The following LDLRAD3 variants were observed in gnomAD, a reference collection of about 807,000 sequenced individuals.
LDLRAD3 encodes the protein low-density lipoprotein receptor class A domain-containing protein 3.
In LDLRAD3, 20 loss-of-function variants were observed where a neutral mutation model predicts 29.4. That is an observed-to-expected ratio of 0.68 (90% CI 0.48 to 0.99). The LOEUF is 0.99. Among genes scored for constraint, LDLRAD3 ranks in the 50% least tolerant of loss-of-function variants. The pLI is 0.00. For synonymous variants in LDLRAD3, 157 were observed against 192.7 expected, an observed-to-expected ratio of 0.81 and a Z score of 1.53; for missense variants, 420 against 454.3, an observed-to-expected ratio of 0.92 and a Z score of 0.69.
At chr11:36,110,771 A>G (rs1024552971) in intron 4 of LDLRAD3, among the ~76,000 whole-genome samples, 4 of 152,232 alleles carry the variant, frequency 2.6e-5, no homozygotes, top group Non-Finnish European at 5.9e-5. Context: ...TAGCCTGCAG[A>G]TAATTACCCT....
At chr11:36,188,090 C>T (rs1431129258) in intron 4 of LDLRAD3, among the ~76,000 whole-genome samples, 1 of 152,062 alleles carries the variant, frequency 6.6e-6, no homozygotes, top group Non-Finnish European at 1.5e-5. Flanking sequence ...TATTTTCTTA[C>T]TATTGACCCA....
chr11:36,042,616 C>T (rs923053118), intron 2 of LDLRAD3, among the ~76,000 whole-genome samples: 3 of 152,174 alleles, frequency 2.0e-5, no homozygotes, highest in African/African-American at 4.8e-5. Context: ...TGTTGAAGTC[C>T]TAACCCCCAG....
intron 4 of LDLRAD3, among the ~76,000 whole-genome samples, chr11:36,198,806 T>C (rs1039332726): frequency 6.6e-6 from 1 of 152,244 alleles, no homozygotes; most frequent in African/African-American, 2.4e-5. Context: ...TTTAGGTTTG[T>C]GATCAACATC....
At chr11:35,970,227 A>T (rs1339526888) in intron 1 of LDLRAD3, among the ~76,000 whole-genome samples, 1 of 152,206 alleles carries the variant, frequency 6.6e-6, no homozygotes, top group African/African-American at 2.4e-5. Flanking sequence ...ATGCAAACCA[A>T]TTTGCAAATG....
chr11:35,966,245 T>A (rs999384353), intron 1 of LDLRAD3, among the ~76,000 whole-genome samples: 13 of 152,058 alleles, frequency 8.5e-5, no homozygotes, highest in African/African-American at 2.4e-4. Flanking sequence ...GCCAATATGG[T>A]GAAACCCCAT....
chr11:36,035,831 T>G (rs1355100740), intron 1 of LDLRAD3, among the ~76,000 whole-genome samples: 1 of 152,194 alleles, frequency 6.6e-6, no homozygotes, highest in African/African-American at 2.4e-5. Flanking sequence ...CAGTCTTTGA[T>G]GGAGAAAGAA....
chr11:35,959,934 G>A (rs976790351), intron 1 of LDLRAD3, among the ~76,000 whole-genome samples: 1 of 151,874 alleles, frequency 6.6e-6, no homozygotes, highest in African/African-American at 2.4e-5. Flanking sequence ...TCCATCCCCC[G>A]CCAAAAAAAG....
At chr11:36,087,147 A>T (rs1392377926) in intron 3 of LDLRAD3, among the ~76,000 whole-genome samples, 1 of 152,236 alleles carries the variant, frequency 6.6e-6, no homozygotes, top group Non-Finnish European at 1.5e-5. Context: ...AAGAAAAAAA[A>T]ACAGAGGAAA....
In LDLRAD3 at chr11:36,165,466, G is replaced by A. The variant is rs117042505; in HGVS notation, c.455-61619G>A. Among the ~76,000 whole-genome samples the A allele has an allele frequency of 1.1e-3, 160 of 152,006 alleles. 1 individual carries two copies. In the East Asian group the frequency reaches 0.029, roughly 27 times the overall value. On this transcript the variant is annotated intron_variant, in intron 4 of 5. Coordinates refer to ENST00000315571, the MANE Select transcript of LDLRAD3 (RefSeq NM_174902.4). Reference sequence around the variant, plus strand: ...ATATTACTAACTTGTTATCCAAATGGATATCTGTTTACACCCCCACAAGCA... The same window carrying A: ...ATATTACTAACTTGTTATCCAAATGAATATCTGTTTACACCCCCACAAGCA...
At chr11:36,021,358 A>G (rs746914558) in intron 1 of LDLRAD3, among the ~76,000 whole-genome samples, 3 of 152,158 alleles carry the variant, frequency 2.0e-5, no homozygotes, top group Admixed American at 6.5e-5. Context: ...TTCCGAGATG[A>G]CTGAGAAGGA....
At chr11:36,178,618 A>G (rs1854713102) in intron 4 of LDLRAD3, among the ~76,000 whole-genome samples, 1 of 152,160 alleles carries the variant, frequency 6.6e-6, no homozygotes, top group Non-Finnish European at 1.5e-5. Context: ...TGGATTGTTG[A>G]TCATTACCCA....
At chr11:36,192,796 A>G (rs768430050) in intron 4 of LDLRAD3, among the ~76,000 whole-genome samples, 4 of 152,128 alleles carry the variant, frequency 2.6e-5, no homozygotes, top group Non-Finnish European at 4.4e-5. Flanking sequence ...CTGAGATGAG[A>G]TCTTGCCACT....
chr11:36,074,623 A>G (rs1458907348), intron 2 of LDLRAD3, among the ~76,000 whole-genome samples: 4 of 152,102 alleles, frequency 2.6e-5, no homozygotes, highest in Non-Finnish European at 5.9e-5. Context: ...ACGTAATGGG[A>G]AGGCAGTGAC....
In LDLRAD3 at chr11:36,081,648, T is replaced by C. The variant is rs201940218; in HGVS notation, c.194-5T>C. ...ATGTCTTGCTGTTTCTTTTTCTTCCTGCAGCCAAGGCTAAGTCGAAATGTG... is the reference window on the plus strand; with the variant it reads ...ATGTCTTGCTGTTTCTTTTTCTTCCCGCAGCCAAGGCTAAGTCGAAATGTG... On this transcript the variant is annotated splice_region_variant and splice_polypyrimidine_tract_variant and intron_variant, in intron 2 of 5. Transcript: ENST00000315571. 1.7e-3 allele frequency: 2,801 copies of C among 1,614,254 alleles called. 8 individuals are homozygous for C. The highest frequency in any genetic ancestry group is 2.1e-3 in the Non-Finnish European group (2,514 of 1,180,036).
chr11:35,947,274 C>T (rs951949935), intron 1 of LDLRAD3, among the ~76,000 whole-genome samples: 2 of 152,106 alleles, frequency 1.3e-5, no homozygotes, highest in Non-Finnish European at 2.9e-5. Context: ...TTTGGGAGGC[C>T]AAGATGTGTG....
At chr11:36,046,389 T>A (rs966985371) in intron 2 of LDLRAD3, among the ~76,000 whole-genome samples, 5 of 152,200 alleles carry the variant, frequency 3.3e-5, no homozygotes, top group African/African-American at 1.2e-4. Context: ...CAGGTATGTC[T>A]TTATTAGCAG....
chr11:36,227,328 A>G lies in LDLRAD3; in HGVS notation c.698A>G (p.Tyr233Cys), dbSNP rs1855514294. 3 of 1,614,188 alleles carry G rather than the reference A, an allele frequency of 1.9e-6. No homozygotes were observed. The highest frequency in any genetic ancestry group is 2.2e-5 in the East Asian group (1 of 44,874). The change falls in exon 5 of 6, where the codon TAC becomes TGC. Residue 233 changes from tyrosine to cysteine, a missense_variant. By Grantham distance (194) the Tyr-to-Cys change is radical (BLOSUM62 -2). Coordinates refer to ENST00000315571, the MANE Select transcript of LDLRAD3 (RefSeq NM_174902.4). ...LDHPHHCNVTYNVNNGIQYVA... is the reference protein window; with the variant it reads ...LDHPHHCNVTCNVNNGIQYVA... The stretch of plus-strand genomic sequence containing the variant: ...CACCCCCACCACTGCAACGTCACCT[A>G]CAACGTCAATAATGGCATCCAGTAT...
intron 3 of LDLRAD3, 112 bp downstream of exon 3, chr11:36,081,890 C>G: frequency 7.7e-7 from 1 of 1,290,356 alleles, no homozygotes; most frequent in East Asian, 2.3e-5. Flanking sequence ...CTCAGGCATT[C>G]TCTTCTGTTA....
chr11:36,210,827 G>C (rs116064459), intron 4 of LDLRAD3, among the ~76,000 whole-genome samples: 206 of 152,344 alleles, frequency 1.4e-3, no homozygotes, highest in African/African-American at 4.6e-3. Context: ...GCCATTTCCT[G>C]TAGGAACATT....
Sources: gnomAD v4.1 joint callset for allele counts (sites outside exome capture counted in the v4.1 genomes callset) on GRCh38, gnomAD v4.1.1 for gene constraint, MANE v1.5 for transcripts, NCBI Gene and HGNC (gene_info 2026-07-23, HGNC 2026-07-21) for gene names.